The following TMEM181 variants were observed in gnomAD, a reference collection of about 807,000 sequenced individuals.
TMEM181 encodes G protein-coupled receptor 178.
Under a neutral mutation model 71.9 loss-of-function variants are expected in TMEM181, and 39 were observed. The observed-to-expected ratio is 0.54, with a 90% CI of 0.42 to 0.71. TMEM181 has a LOEUF of 0.71. TMEM181 is among the 30% of genes least tolerant of loss of function. The probability of loss-of-function intolerance (pLI) is 0.00; values close to 1 mark genes in which losing one functional copy is unlikely to be tolerated. For missense variants in TMEM181, 595 were observed against 583.0 expected (o/e 1.02, Z -0.21); for synonymous variants, 245 against 228.8 (o/e 1.07, Z -0.64).
At chr6:158,554,247 G>A (rs752554218) in intron 1 of TMEM181, among the ~76,000 whole-genome samples, 33 of 152,040 alleles carry the variant, frequency 2.2e-4, no homozygotes, top group African/African-American at 3.4e-4. Flanking sequence ...CACCACGCCC[G>A]GCTAATTTTT....
intron 2 of TMEM181, among the ~76,000 whole-genome samples, chr6:158,574,227 G>C (rs186734951): frequency 5.9e-5 from 9 of 152,300 alleles, no homozygotes; most frequent in African/African-American, 1.7e-4. Context: ...ATGGCAGTTA[G>C]GCTTAACCTG....
chr6:158,576,734 A>G (rs956770324), intron 2 of TMEM181, among the ~76,000 whole-genome samples: 17 of 152,174 alleles, frequency 1.1e-4, no homozygotes, highest in Non-Finnish European at 2.5e-4. Context: ...TTCCAGAGGT[A>G]CATTATTAGA....
chr6:158,578,983 G>A (rs1182200470), intron 2 of TMEM181, among the ~76,000 whole-genome samples: 1 of 151,924 alleles, frequency 6.6e-6, no homozygotes, highest in Non-Finnish European at 1.5e-5. Flanking sequence ...TCTTGGCCGG[G>A]CATGGTGGCT....
intron 1 of TMEM181, among the ~76,000 whole-genome samples, chr6:158,568,985 T>C (rs1376584145): frequency 6.6e-6 from 1 of 152,210 alleles, no homozygotes; most frequent in African/African-American, 2.4e-5. Flanking sequence ...TTTTTTATTT[T>C]AATTTTTTAG....
At chr6:158,546,722 G>T (rs1306516174) in intron 1 of TMEM181, among the ~76,000 whole-genome samples, 1 of 152,244 alleles carries the variant, frequency 6.6e-6, no homozygotes, top group Non-Finnish European at 1.5e-5. Context: ...ACTTTGGGAG[G>T]CCCAGGTGGG....
intron 1 of TMEM181, among the ~76,000 whole-genome samples, chr6:158,567,413 A>G (rs1782573106): frequency 6.6e-6 from 1 of 152,216 alleles, no homozygotes; most frequent in Non-Finnish European, 1.5e-5. Context: ...ATGATTTTGT[A>G]TGCCTCCCAC....
intron 14 of TMEM181, among the ~76,000 whole-genome samples, chr6:158,629,394 G>C (rs550556601): frequency 3.3e-5 from 5 of 152,042 alleles, no homozygotes; most frequent in Non-Finnish European, 7.4e-5. Context: ...CCGTATGCCC[G>C]TGGCCTTCCT....
chr6:158,577,600 C>G (rs1206511503), intron 2 of TMEM181, among the ~76,000 whole-genome samples: 2 of 152,132 alleles, frequency 1.3e-5, no homozygotes, highest in Non-Finnish European at 2.9e-5. Flanking sequence ...AGAAGCTCAA[C>G]AAACTCAAAG....
chr6:158,573,679 G>A (rs866019483), intron 2 of TMEM181, among the ~76,000 whole-genome samples, 156 bp downstream of exon 2: 3 of 152,198 alleles, frequency 2.0e-5, no homozygotes, highest in East Asian at 1.9e-4. Context: ...CCAGCCCTGC[G>A]CTTCTAGCTG....
intron 6 of TMEM181, among the ~76,000 whole-genome samples, chr6:158,595,029 C>T (rs575249703): frequency 6.6e-6 from 1 of 152,272 alleles, no homozygotes; most frequent in Admixed American, 6.5e-5. Flanking sequence ...AACAGAATTT[C>T]TTTGGCTATT....
intron 1 of TMEM181, among the ~76,000 whole-genome samples, chr6:158,548,038 C>T (rs1338304399): frequency 2.0e-5 from 3 of 152,168 alleles, no homozygotes; most frequent in Non-Finnish European, 4.4e-5. Context: ...TCGCCCCACG[C>T]TGACTGAACT....
chr6:158,597,130 G>A (rs1364802781), intron 6 of TMEM181, among the ~76,000 whole-genome samples: 1 of 152,122 alleles, frequency 6.6e-6, no homozygotes, highest in Non-Finnish European at 1.5e-5. Context: ...CCTCCATCTG[G>A]CACTGTTGTT....
rs576345189 is a variant in TMEM181, at chr6:158,594,184, C to T, written c.492+4402C>T. On this transcript the variant is annotated intron_variant, in intron 6 of 16. Coordinates refer to ENST00000684151, the MANE Select transcript of TMEM181 (RefSeq NM_001376852.1). ...TGAGATCTCAGCTCACTGCAACCTC[C>T]GCCTCCCAGGTTCAAGTGATTCTCA... Among the ~76,000 whole-genome samples, 277 of 151,034 alleles carry T rather than the reference C, an allele frequency of 1.8e-3. 1 individual carries two copies. Among genetic ancestry groups the T allele is most frequent in the Middle Eastern group, 3.4e-3 (1 of 294 alleles).
intron 5 of TMEM181, 97 bp downstream of exon 5, chr6:158,585,522 G>T (rs962486139): frequency 2.1e-5 from 28 of 1,307,488 alleles, no homozygotes; most frequent in Non-Finnish European, 2.8e-5. Flanking sequence ...ATGGTAAGAG[G>T]CTTCGAGAAA....
intron 4 of TMEM181, 41 bp from the exon 5 acceptor site, chr6:158,585,263 G>A: frequency 6.5e-7 from 1 of 1,544,764 alleles, no homozygotes; most frequent in Non-Finnish European, 8.7e-7. Flanking sequence ...GGTGTGATGT[G>A]CCTGGCATGG....
At chr6:158,544,089 G>A (rs1781443174) in intron 1 of TMEM181, among the ~76,000 whole-genome samples, 1 of 152,002 alleles carries the variant, frequency 6.6e-6, no homozygotes, top group South Asian at 2.1e-4. Context: ...GCTGTGTCTG[G>A]ATCAGGGTGG....
chr6:158,606,826 G>C (rs556584232), intron 7 of TMEM181, among the ~76,000 whole-genome samples: 178 of 152,316 alleles, frequency 1.2e-3, no homozygotes, highest in African/African-American at 4.1e-3. Context: ...GGGAACATGA[G>C]GCTCCTGTCA....
At chr6:158,602,723 C>T (rs1468150397) in intron 6 of TMEM181, among the ~76,000 whole-genome samples, 2 of 151,966 alleles carry the variant, frequency 1.3e-5, no homozygotes, top group Non-Finnish European at 2.9e-5. Context: ...AATACAGGCG[C>T]ACGCCACCAT....
chr6:158,600,888 G>C (rs1229896922), intron 6 of TMEM181, among the ~76,000 whole-genome samples: 2 of 152,126 alleles, frequency 1.3e-5, no homozygotes. Flanking sequence ...AAGAGTTACG[G>C]TTCCTTGAGA....
Sources: gnomAD v4.1 joint callset for allele counts (sites outside exome capture counted in the v4.1 genomes callset) on GRCh38, gnomAD v4.1.1 for gene constraint, MANE v1.5 for transcripts, NCBI Gene and HGNC (gene_info 2026-07-23, HGNC 2026-07-21) for gene names.